SRPK1: variants seen among roughly 807,000 people sequenced by gnomAD.
The protein encoded by SRPK1 is SFRS protein kinase 1.
A neutral mutation model predicts 89.5 loss-of-function variants in SRPK1; 52 were observed. That is an observed-to-expected ratio of 0.58 (90% CI 0.46 to 0.73). SRPK1 has a LOEUF of 0.73. SRPK1 is among the 30% of genes least tolerant of loss of function. The pLI is 0.00. For missense variants in SRPK1, 603 were observed against 780.6 expected (o/e 0.77, Z 2.71); for synonymous variants, 255 against 270.2 (o/e 0.94, Z 0.55).
chr6:35,896,376 A>C (rs1770627230), intron 2 of SRPK1, among the ~76,000 whole-genome samples: 1 of 152,240 alleles, frequency 6.6e-6, no homozygotes, highest in African/African-American at 2.4e-5. Flanking sequence ...GCAGACAACA[A>C]AACAGTTTGA....
chr6:35,870,625 T>C, intron 9 of SRPK1, 131 bp from the exon 10 acceptor site: 1 of 845,180 alleles, frequency 1.2e-6, no homozygotes, highest in Non-Finnish European at 1.8e-6. Context: ...CACTTAAGTC[T>C]TTCATTAAAT....
chr6:35,859,924 T>A (rs1769745544), intron 12 of SRPK1, among the ~76,000 whole-genome samples: 2 of 151,686 alleles, frequency 1.3e-5, no homozygotes, highest in Admixed American at 1.3e-4. Flanking sequence ...AGTGGTGCGA[T>A]CTTGGCTCAC....
intron 7 of SRPK1, among the ~76,000 whole-genome samples, chr6:35,873,355 G>C (rs1340609210): frequency 6.6e-6 from 1 of 152,186 alleles, no homozygotes; most frequent in Non-Finnish European, 1.5e-5. Context: ...ATGTTCCCAA[G>C]TCAGGAACCT....
In SRPK1 at chr6:35,906,174, C is replaced by G. The variant is rs112629917; in HGVS notation, c.74+14294G>C. The stretch of plus-strand genomic sequence containing the variant: ...ACCATGAAAAAAAACTCCAATTAGC[C>G]AACAGTGGACAAGCAATAAAAATAA... On this transcript the variant is annotated intron_variant, in intron 2 of 15. Transcript: ENST00000373825. Among the ~76,000 whole-genome samples, 582 of 152,076 alleles carry G rather than the reference C, an allele frequency of 3.8e-3. 2 individuals are homozygous for G. The highest frequency in any genetic ancestry group is 0.013 in the African/African-American group (547 of 41,474).
intron 13 of SRPK1, among the ~76,000 whole-genome samples, chr6:35,845,382 G>T (rs1245292216): frequency 6.6e-6 from 1 of 152,078 alleles, no homozygotes; most frequent in Admixed American, 6.6e-5. Context: ...TGTACTTTTT[G>T]TTCAATTTTT....
chr6:35,893,913 AG>A (rs778849601), intron 2 of SRPK1, among the ~76,000 whole-genome samples: 23 of 152,114 alleles, frequency 1.5e-4, no homozygotes, highest in Non-Finnish European at 3.1e-4. Flanking sequence ...CGGGAGGCTG[AG>A]GTGTGAGAAT....
At chr6:35,898,452 A>C (rs1770670036) in intron 2 of SRPK1, among the ~76,000 whole-genome samples, 1 of 152,252 alleles carries the variant, frequency 6.6e-6, no homozygotes, top group South Asian at 2.1e-4. Flanking sequence ...CAGGTGCACT[A>C]AAATCTCAGA....
At chr6:35,866,782 T>C (rs868730396) in intron 12 of SRPK1, among the ~76,000 whole-genome samples, 5 of 152,078 alleles carry the variant, frequency 3.3e-5, no homozygotes, top group Non-Finnish European at 5.9e-5. Context: ...CCCAAGTGTC[T>C]AGGAGTAGAT....
intron 1 of SRPK1, 157 bp downstream of exon 1, chr6:35,920,887 G>T: frequency 1.3e-6 from 1 of 742,752 alleles, no homozygotes; most frequent in Non-Finnish European, 2.0e-6. Context: ...CGGACCCGCA[G>T]CCCAGAGGCA....
chr6:35,880,739 A>G (rs796194060), intron 6 of SRPK1, among the ~76,000 whole-genome samples: 2 of 25,740 alleles, frequency 7.8e-5, no homozygotes, highest in Non-Finnish European at 1.2e-4. Flanking sequence ...AAAAAAGAAA[A>G]AAAAAAAAAA....
rs1769159934 is a variant in SRPK1, at chr6:35,835,501, C to G, written c.1784-13G>C. ...TGTTTCAGGTCACCTGCAGTGAAGACAGTACAGAAAAAGCCACTGATCAAC... is the reference window on the plus strand; with the variant it reads ...TGTTTCAGGTCACCTGCAGTGAAGAGAGTACAGAAAAAGCCACTGATCAAC... On this transcript the variant is annotated splice_polypyrimidine_tract_variant and intron_variant, in intron 15 of 15. Transcript: ENST00000373825. 6.2e-7 allele frequency: 1 copy of G among 1,601,732 alleles called. No individual in the cohort carries two copies. Among genetic ancestry groups the G allele is most frequent in the South Asian group, 1.1e-5 (1 of 88,778 alleles).
intron 13 of SRPK1, among the ~76,000 whole-genome samples, chr6:35,847,037 G>C (rs547806732): frequency 4.6e-5 from 7 of 152,336 alleles, no homozygotes; most frequent in African/African-American, 1.7e-4. Context: ...GAAGGCCACA[G>C]CTAACATTGT....
intron 12 of SRPK1, among the ~76,000 whole-genome samples, chr6:35,859,201 T>G (rs756086129): frequency 8.5e-5 from 13 of 152,134 alleles, no homozygotes; most frequent in African/African-American, 1.2e-4. Flanking sequence ...AGCCCCATTT[T>G]CCGGGAGGAA....
chr6:35,884,736 C>T (rs1345605215), intron 6 of SRPK1, among the ~76,000 whole-genome samples: 1 of 152,250 alleles, frequency 6.6e-6, no homozygotes, highest in East Asian at 1.9e-4. Flanking sequence ...CACGGTGGCT[C>T]ACACCTGTAA....
intron 2 of SRPK1, among the ~76,000 whole-genome samples, chr6:35,897,554 G>A (rs1022892433): frequency 2.6e-5 from 4 of 152,042 alleles, no homozygotes; most frequent in African/African-American, 4.8e-5. Flanking sequence ...TCACTCTACC[G>A]CCCAGGCTGC....
intron 2 of SRPK1, among the ~76,000 whole-genome samples, chr6:35,891,558 A>G (rs1770517111): frequency 6.6e-6 from 1 of 151,960 alleles, no homozygotes; most frequent in African/African-American, 2.4e-5. Context: ...CATCTCTACT[A>G]AGGAAACAAA....
At chr6:35,861,868 C>A (rs898304637) in intron 12 of SRPK1, among the ~76,000 whole-genome samples, 2 of 152,190 alleles carry the variant, frequency 1.3e-5, no homozygotes, top group Non-Finnish European at 2.9e-5. Flanking sequence ...CCTACCCTCT[C>A]AGTCACAGGC....
intron 2 of SRPK1, among the ~76,000 whole-genome samples, chr6:35,919,388 G>A (rs990894299): frequency 6.6e-6 from 1 of 152,092 alleles, no homozygotes; most frequent in African/African-American, 2.4e-5. Context: ...CCCTAATCTG[G>A]TATTGTCATT....
At chr6:35,920,876 G>A in intron 1 of SRPK1, 168 bp downstream of exon 1, 2 of 662,586 alleles carry the variant, frequency 3.0e-6, no homozygotes, top group Non-Finnish European at 4.7e-6. Context: ...ACTGAGGGGC[G>A]CGGACCCGCA....
Sources: allele counts gnomAD v4.1 joint callset (sites outside exome capture counted in the v4.1 genomes callset), GRCh38; gene constraint gnomAD v4.1.1; transcripts MANE v1.5; gene names NCBI Gene and HGNC (gene_info 2026-07-23, HGNC 2026-07-21).